Variants in CYGB observed in about 807,000 individuals in gnomAD.
CYGB encodes the protein cytoglobin, also known as histoglobin.
A neutral mutation model predicts 20.7 loss-of-function variants in CYGB; 13 were observed. That is an observed-to-expected ratio of 0.63 (90% CI 0.41 to 1.00). The LOEUF is 1.00. Ranked by LOEUF, CYGB falls within the 50% of genes least tolerant of loss-of-function variation. CYGB has a pLI of 0.00. For missense variants in CYGB, 218 were observed against 257.2 expected, an observed-to-expected ratio of 0.85 and a Z score of 1.04; for synonymous variants, 93 against 107.4, an observed-to-expected ratio of 0.87 and a Z score of 0.83.
chr17:76,545,462 G>A, intron 1 of CYGB: 1 of 437,272 alleles, frequency 2.3e-6, no homozygotes, highest in South Asian at 1.6e-5. Context: ...AGGGGCTTGG[G>A]AGAGGGCAGA....
intron 1 of CYGB, among the ~76,000 whole-genome samples, chr17:76,534,879 T>A (rs1477056205): frequency 1.3e-5 from 2 of 152,184 alleles, no homozygotes; most frequent in Non-Finnish European, 2.9e-5. Flanking sequence ...GGGGCCCATG[T>A]GCCTGGCTCC....
At chr17:76,544,653 A>C (rs1226570668) in intron 1 of CYGB, 1 of 456,730 alleles carries the variant, frequency 2.2e-6, no homozygotes, top group South Asian at 1.5e-5. Context: ...CTCTCTTTGG[A>C]GGCATCGGCC....
chr17:76,532,530 CTTTTTT>C (rs111936272), intron 1 of CYGB, among the ~76,000 whole-genome samples: 1 of 125,728 alleles, frequency 8.0e-6, no homozygotes. Flanking sequence ...ATGACAATGG[CTTTTTT>C]TTTTTTTTTT....
In CYGB at chr17:76,546,656, G is replaced by A. The variant is rs1248632391; in HGVS notation, c.-53+4206C>T. Reference sequence around the variant, plus strand: ...AAGAAGCCCAAGACCTAGAGCTAGAGGAAGATAATGCTTCTTTGTGAACCT... The same window carrying A: ...AAGAAGCCCAAGACCTAGAGCTAGAAGAAGATAATGCTTCTTTGTGAACCT... On this transcript the variant is annotated intron_variant, in intron 1 of 3. Coordinates refer to the CYGB transcript ENST00000589145. This position sits in a 1 kb window ranked among gnomAD's most constrained non-coding sequence, Gnocchi z 4.5. The A allele has an allele frequency of 6.6e-6, 1 of 152,194 alleles. No individual in the cohort carries two copies. The highest frequency in any genetic ancestry group is 1.5e-5 in the Non-Finnish European group (1 of 68,040). The allele number at this position is 152,194 out of a possible 1,614,324, so 9.4% of individuals were successfully genotyped here.
chr17:76,544,324 C>T (rs1207324664), intron 1 of CYGB: 2 of 454,432 alleles, frequency 4.4e-6, no homozygotes, highest in Non-Finnish European at 8.8e-6. Flanking sequence ...CTCTAGACAG[C>T]AGCACTTCAG....
chr17:76,543,074 C>T (rs1337810451), intron 1 of CYGB: 1 of 471,810 alleles, frequency 2.1e-6, no homozygotes, highest in East Asian at 6.9e-5. Flanking sequence ...GCTGTGGGAG[C>T]TGCAGCAGCG....
At chr17:76,542,753 G>A in intron 1 of CYGB, 1 of 714,576 alleles carries the variant, frequency 1.4e-6, no homozygotes, top group Non-Finnish European at 2.5e-6. Context: ...TGCCACTGAT[G>A]GAGGTTCAAA....
upstream of CYGB, chr17:76,538,432 CA>C (rs1598209553): frequency 2.2e-6 from 1 of 457,186 alleles, no homozygotes; most frequent in East Asian, 7.7e-5. Flanking sequence ...TTCCGCCCAG[CA>C]CCTCCATGCC....
Position 76,530,051 on chromosome 17 carries a change from G to A in CYGB, c.539+928C>T, listed in dbSNP as rs924805867. On this transcript the variant is annotated intron_variant, in intron 3 of 3. Transcript: ENST00000293230. The surrounding 1 kb of genome is among the most constrained non-coding windows in gnomAD (Gnocchi z 6.1). ...GAACAGAAGGGCCGGCAGTCTTGGG[G>A]GCCCGTGCAGAGCCCGGCGGGAGAC... The A allele has an allele frequency of 3.0e-6, 3 of 985,430 alleles. No homozygotes were observed. The highest frequency in any genetic ancestry group is 9.4e-5 in the South Asian group (2 of 21,290). 61.0% of individuals were successfully genotyped at this position (985,430 alleles called of 1,614,324 possible). A position where few individuals can be genotyped will look rare whatever the true frequency, so the allele number is the denominator to read the frequency against.
At chr17:76,544,909 G>C (rs144852411) in intron 1 of CYGB, 1 of 456,782 alleles carries the variant, frequency 2.2e-6, no homozygotes, top group South Asian at 1.5e-5. Flanking sequence ...CCACTGTTCC[G>C]AGAACCTGCG....
At chr17:76,538,767 G>GGCTGCTCA (rs2074952728), upstream of CYGB, among the ~76,000 whole-genome samples, 1 of 152,232 alleles carries the variant, frequency 6.6e-6, no homozygotes, top group African/African-American at 2.4e-5. Flanking sequence ...GCCCTGCAGC[G>GGCTGCTCA]GCTGCTCAGT....
At chr17:76,542,035 T>C (rs1181887185), upstream of CYGB, among the ~76,000 whole-genome samples, 1 of 152,156 alleles carries the variant, frequency 6.6e-6, no homozygotes, top group African/African-American at 2.4e-5. Flanking sequence ...CCCCAGAGGA[T>C]TGGCAGGACA....
chr17:76,529,464 C>A (rs1417208397), intron 3 of CYGB: 1 of 985,390 alleles, frequency 1.0e-6, no homozygotes, highest in African/African-American at 1.7e-5. Context: ...GAGGGCAGGA[C>A]GGGCAGCGTG....
chr17:76,539,978 G>A, upstream of CYGB: 2 of 702,050 alleles, frequency 2.8e-6, no homozygotes, highest in African/African-American at 1.8e-5. Flanking sequence ...TCCTCACAAG[G>A]TCGGGGCCGC....
chr17:76,538,940 A>C (rs541586164), upstream of CYGB, among the ~76,000 whole-genome samples: 17 of 152,362 alleles, frequency 1.1e-4, no homozygotes, highest in South Asian at 3.5e-3. Flanking sequence ...ATTTATTCTT[A>C]AAATCCGACT....
At chr17:76,541,652 G>A (rs2074994512), upstream of CYGB, among the ~76,000 whole-genome samples, 1 of 152,224 alleles carries the variant, frequency 6.6e-6, no homozygotes, top group Non-Finnish European at 1.5e-5. Context: ...CGATAGGCCA[G>A]CTGGCATCAT....
intron 1 of CYGB, chr17:76,550,202 C>T (rs4647883): frequency 0.065 from 9,821 of 150,482 alleles, 429 homozygotes; most frequent in Non-Finnish European, 0.095. Flanking sequence ...GTGATCCACC[C>T]GCCTCGGCCT....
upstream of CYGB, chr17:76,540,506 G>C: frequency 6.2e-7 from 1 of 1,613,646 alleles, no homozygotes; most frequent in Non-Finnish European, 8.5e-7. The surrounding 1 kb of genome is among the most constrained non-coding windows in gnomAD (Gnocchi z 5.0). Flanking sequence ...CTCCCACAGA[G>C]AGCCCAGCGA....
chr17:76,537,592 G>C lies in CYGB; in HGVS notation c.-50C>G, dbSNP rs1487329094. The C allele has an allele frequency of 4.8e-6, 5 of 1,048,058 alleles. No individual in the cohort carries two copies. The highest frequency in any genetic ancestry group is 4.4e-5 in the South Asian group (1 of 22,696). 64.9% of individuals were successfully genotyped at this position (1,048,058 alleles called of 1,614,324 possible). A position where few individuals can be genotyped will look rare whatever the true frequency, so the allele number is the denominator to read the frequency against. On this transcript the variant is annotated 5_prime_UTR_variant, in exon 1 of 4. Transcript: ENST00000293230. ...TTTGCTCGGCGGCGGCGGTGGCGGG[G>C]CGCGGGGCGCGGGGCGCGGGGCGCC...
Sources: allele counts gnomAD v4.1 joint callset (sites outside exome capture counted in the v4.1 genomes callset), GRCh38; gene constraint gnomAD v4.1.1; non-coding constraint Gnocchi (gnomAD v3.1); transcripts MANE v1.5; gene names NCBI Gene and HGNC (gene_info 2026-07-23, HGNC 2026-07-21).